TRAIP: variants seen among roughly 807,000 people sequenced by gnomAD.
TRAIP encodes the protein E3 ubiquitin-protein ligase TRAIP.
Under a neutral mutation model 65.0 loss-of-function variants are expected in TRAIP, and 37 were observed. The ratio of observed to expected loss-of-function variants is 0.57; its 90% CI spans 0.44 to 0.75. TRAIP has a LOEUF of 0.75. TRAIP is among the 30% of genes least tolerant of loss of function. TRAIP has a pLI of 0.00. For missense variants in TRAIP, 481 were observed against 579.4 expected (o/e 0.83, Z 1.74); for synonymous variants, 187 against 219.1 (o/e 0.85, Z 1.29).
rs767904431 is a variant in TRAIP, at chr3:49,832,033, C to T, written c.920G>A (p.Arg307Gln). The T allele has an allele frequency of 3.9e-5, 63 of 1,602,066 alleles. No homozygotes were observed. Among genetic ancestry groups the T allele is most frequent in the East Asian group, 9.2e-5 (4 of 43,626 alleles). The change falls in exon 11 of 15, where the codon CGG becomes CAG. Residue 307 changes from arginine (R) to glutamine (Q), a missense_variant. Arg to Gln is a conservative substitution (Grantham distance 43). Coordinates refer to ENST00000331456, the MANE Select transcript of TRAIP (RefSeq NM_005879.3). The part of the protein sequence containing the change: ...APVEVNLKLR[R>Q]PSFRDDIDLN... ...ATCAATATCATCACGGAAGGATGGC[C>T]GGCGGAGCTTCAGATTCACCTCCAC...
At chr3:49,849,840 C>CTTTTTTTTTTTTTTTTTT (rs1185587392) in intron 1 of TRAIP, among the ~76,000 whole-genome samples, 2 of 89,868 alleles carry the variant, frequency 2.2e-5, no homozygotes, top group African/African-American at 4.7e-5. Context: ...CTTTTCTTTT[C>CTTTTTTTTTTTTTTTTTT]TTTTTTTTTT....
chr3:49,838,841 G>A (rs1412985853), intron 10 of TRAIP, among the ~76,000 whole-genome samples: 5 of 150,486 alleles, frequency 3.3e-5, no homozygotes, highest in South Asian at 2.1e-4. Flanking sequence ...AGCCGAGATC[G>A]CACCACTGTA....
At chr3:49,841,742 C>T in intron 7 of TRAIP, 84 bp downstream of exon 7, 2 of 1,102,750 alleles carry the variant, frequency 1.8e-6, no homozygotes, top group Non-Finnish European at 2.7e-6. Flanking sequence ...GTTCCATCTG[C>T]TTTACAAGAG....
At position 49,839,685 on chromosome 3, in the gene TRAIP, C is replaced by T. The variant is rs568376366; in HGVS notation, c.884+87G>A. ...AGACATCAGGTCCACAGAGGTCACCCACCCCACCAAAGCCAGGAGGAGTAA... is the reference window on the plus strand; with the variant it reads ...AGACATCAGGTCCACAGAGGTCACCTACCCCACCAAAGCCAGGAGGAGTAA... On this transcript the variant is annotated intron_variant, in intron 10 of 14. Transcript: ENST00000331456. 77 of 1,264,902 alleles carry T rather than the reference C, an allele frequency of 6.1e-5. No individual in the cohort carries two copies. The African/African-American group carries it at 1.0e-3, about 17-fold the overall frequency. 78.4% of individuals were successfully genotyped at this position (1,264,902 alleles called of 1,614,324 possible).
At chr3:49,855,766 C>T (rs1274558384) in intron 1 of TRAIP, among the ~76,000 whole-genome samples, 2 of 152,168 alleles carry the variant, frequency 1.3e-5, no homozygotes, top group Non-Finnish European at 2.9e-5. Context: ...AGGTCCAAAC[C>T]GGCCTGTCCA....
Position 49,848,195 on chromosome 3 carries a change from A to T in TRAIP, c.104T>A (p.Ile35Asn). 6.2e-7 allele frequency: 1 copy of T among 1,614,214 alleles called. No individual in the cohort carries two copies. The highest frequency in any genetic ancestry group is 8.5e-7 in the Non-Finnish European group (1 of 1,180,032). Residue 35 changes from isoleucine to asparagine, a missense_variant, in exon 2 of 15, where the codon ATT (isoleucine) becomes AAT (asparagine). By Grantham distance (149) the Ile-to-Asn change is moderately radical. Transcript: ENST00000331456. Reference sequence around the variant, plus strand: ...ACTTGGTGCTGTCTCAAACCACTGAATTAGGCTGGAATGAAAAGCAGAACA... The same window carrying T: ...ACTTGGTGCTGTCTCAAACCACTGATTTAGGCTGGAATGAAAAGCAGAACA... ...CGHTFHLQCLIQWFETAPSRT... is the reference protein window; with the variant it reads ...CGHTFHLQCLNQWFETAPSRT...
At chr3:49,842,412 T>A (rs1235130476) in intron 6 of TRAIP, 41 bp downstream of exon 6, 1 of 1,595,098 alleles carries the variant, frequency 6.3e-7, no homozygotes, top group Admixed American at 1.7e-5. Flanking sequence ...TTGCAGGCCC[T>A]GGGGGCAAAG....
chr3:49,849,316 A>T (rs1055143837), intron 1 of TRAIP, among the ~76,000 whole-genome samples: 7 of 151,416 alleles, frequency 4.6e-5, no homozygotes, highest in Non-Finnish European at 7.4e-5. Context: ...AATCAAAAAA[A>T]TTTTTTTAAT....
In TRAIP at chr3:49,838,867, C is replaced by A. The variant is rs2081811121; in HGVS notation, c.884+905G>T. On this transcript the variant is annotated intron_variant, in intron 10 of 14. Transcript: ENST00000331456. ...CACCACTGTACTCCAGTCTGGGAAACAGAGTGAGACTCCATCTAAAAAAAA... is the reference window on the plus strand; with the variant it reads ...CACCACTGTACTCCAGTCTGGGAAAAAGAGTGAGACTCCATCTAAAAAAAA... Among the ~76,000 whole-genome samples, 4 of 144,440 alleles carry A rather than the reference C, an allele frequency of 2.8e-5. No individual in the cohort carries two copies. The South Asian group carries it at 8.7e-4, about 31-fold the overall frequency. 94.8% of individuals were successfully genotyped at this position (144,440 alleles called of 152,430 possible).
intron 10 of TRAIP, among the ~76,000 whole-genome samples, chr3:49,835,714 T>G (rs372939543): frequency 5.3e-5 from 8 of 150,514 alleles, no homozygotes; most frequent in African/African-American, 2.0e-4. Context: ...CCGAGGTGGG[T>G]GGATCACAAG....
chr3:49,832,326 C>T (rs1575389759), intron 10 of TRAIP, among the ~76,000 whole-genome samples: 1 of 152,076 alleles, frequency 6.6e-6, no homozygotes, highest in South Asian at 2.1e-4. Flanking sequence ...CCCCATCCTA[C>T]TAAAAATACA....
At chr3:49,854,827 T>C (rs2081958463) in intron 1 of TRAIP, among the ~76,000 whole-genome samples, 1 of 151,118 alleles carries the variant, frequency 6.6e-6, no homozygotes, top group Non-Finnish European at 1.5e-5. Flanking sequence ...GAGGCAGAGG[T>C]GGGTGGATTA....
In TRAIP at chr3:49,841,842, A is replaced by G. The variant is rs2081841905; in HGVS notation, c.601T>C (p.Cys201Arg). The G allele has an allele frequency of 6.2e-7, 1 of 1,614,148 alleles. No homozygotes were observed. The change falls in exon 7 of 15, where the codon TGT (cysteine) becomes CGT (arginine). Residue 201 changes from cysteine (C) to arginine (R), a missense_variant. Coordinates refer to ENST00000331456, the MANE Select transcript of TRAIP (RefSeq NM_005879.3). ...QSAVEQLAVY[C>R]VSLKKEYENL... ...AGTACGCACTTCTTGAGAGACACAC[A>G]GTACACAGCCAGCTGTTCCACCGCT...
chr3:49,852,140 G>A (rs192002106), intron 1 of TRAIP, among the ~76,000 whole-genome samples: 194 of 139,592 alleles, frequency 1.4e-3, no homozygotes, highest in East Asian at 8.2e-3. Context: ...AGGCCGAGGC[G>A]GGCAGATCAC....
At chr3:49,850,843 G>A (rs1449242518) in intron 1 of TRAIP, among the ~76,000 whole-genome samples, 3 of 151,236 alleles carry the variant, frequency 2.0e-5, no homozygotes, top group African/African-American at 7.3e-5. Context: ...TTTTAGTAGA[G>A]ACAGGGTTTC....
chr3:49,855,733 G>A (rs113650046), intron 1 of TRAIP, among the ~76,000 whole-genome samples: 1 of 152,130 alleles, frequency 6.6e-6, no homozygotes, highest in Non-Finnish European at 1.5e-5. Context: ...CAGGGGTAAC[G>A]CTGCCTTATC....
intron 3 of TRAIP, among the ~76,000 whole-genome samples, chr3:49,846,652 T>C (rs1016998407): frequency 6.6e-6 from 1 of 152,184 alleles, no homozygotes; most frequent in Non-Finnish European, 1.5e-5. Flanking sequence ...TGTCCTCTGA[T>C]TTTTGTGTCC....
chr3:49,843,620 T>A, intron 5 of TRAIP, 181 bp downstream of exon 5: 1 of 766,598 alleles, frequency 1.3e-6, no homozygotes. Context: ...GCCCTTTTCT[T>A]ATGGGATGGA....
chr3:49,841,130 C>T, intron 7 of TRAIP, 58 bp from the exon 8 acceptor site: 1 of 1,421,460 alleles, frequency 7.0e-7, no homozygotes, highest in Non-Finnish European at 1.0e-6. Flanking sequence ...TCAGACTGAG[C>T]CACAGCACTA....
Sources: gnomAD v4.1 joint callset for allele counts (sites outside exome capture counted in the v4.1 genomes callset) on GRCh38, gnomAD v4.1.1 for gene constraint, MANE v1.5 for transcripts, NCBI Gene and HGNC (gene_info 2026-07-23, HGNC 2026-07-21) for gene names.